The following GRK5 variants were observed in gnomAD, a reference collection of about 807,000 sequenced individuals.
The protein encoded by GRK5 is g protein-coupled receptor kinase GRK5.
In GRK5, 40 loss-of-function variants were observed where a neutral mutation model predicts 78.4. The observed-to-expected ratio is 0.51, with a 90% confidence interval of 0.40 to 0.66. GRK5 has a LOEUF of 0.66. Among genes scored for constraint, GRK5 ranks in the 30% least tolerant of loss-of-function variants. The probability of loss-of-function intolerance (pLI) is 0.00; values close to 1 mark genes in which losing one functional copy is unlikely to be tolerated. For synonymous variants in GRK5, 289 were observed against 296.8 expected, an observed-to-expected ratio of 0.97 and a Z score of 0.27; for missense variants, 598 against 759.9, an observed-to-expected ratio of 0.79 and a Z score of 2.50.
chr10:119,300,719 A>C (rs926108290), intron 1 of GRK5, among the ~76,000 whole-genome samples: 8 of 152,156 alleles, frequency 5.3e-5, no homozygotes, highest in African/African-American at 1.9e-4. Flanking sequence ...CCTTCTATGA[A>C]TATCTTGACC....
chr10:119,354,055 T>C (rs367926991), intron 2 of GRK5, among the ~76,000 whole-genome samples: 55 of 151,744 alleles, frequency 3.6e-4, no homozygotes, highest in African/African-American at 1.3e-3. Flanking sequence ...ATATAGATTA[T>C]ATTTCTAAAA....
At chr10:119,397,209 T>C (rs1852069533) in intron 4 of GRK5, among the ~76,000 whole-genome samples, 1 of 152,162 alleles carries the variant, frequency 6.6e-6, no homozygotes, top group South Asian at 2.1e-4. Flanking sequence ...CATCAAAGAA[T>C]GAAGAGAATT....
intron 2 of GRK5, among the ~76,000 whole-genome samples, chr10:119,348,486 T>C (rs915419605): frequency 1.3e-5 from 2 of 152,216 alleles, no homozygotes; most frequent in African/African-American, 2.4e-5. Flanking sequence ...TTGTTCCTCC[T>C]CTCTGGAGAA....
At chr10:119,392,943 T>C (rs147442750) in intron 3 of GRK5, among the ~76,000 whole-genome samples, 1 of 152,378 alleles carries the variant, frequency 6.6e-6, no homozygotes, top group East Asian at 1.9e-4. Context: ...GTTTGCTGGT[T>C]AAGCTGGTTT....
At position 119,448,165 on chromosome 10, in the gene GRK5, G is replaced by A; in HGVS notation, c.1309G>A (p.Glu437Lys). 1 of 1,570,058 alleles carries A rather than the reference G, an allele frequency of 6.4e-7. No individual in the cohort carries two copies. The highest frequency in any genetic ancestry group is 2.4e-5 in the East Asian group (1 of 41,382). Residue 437 changes from glutamate to lysine, a missense_variant, in exon 13 of 16, where the codon GAG becomes AAG. Transcript: ENST00000392870. ...GAAGCAGAGGCTGGGCTGCCAGGAG[G>A]AGGGGGCTGCAGAGGTCAAGAGACA... ...DAKQRLGCQE[E>K]GAAEVKRHPF... is the part of the protein sequence containing the mutation.
chr10:119,392,094 A>G (rs2133843772), intron 3 of GRK5, among the ~76,000 whole-genome samples: 1 of 152,336 alleles, frequency 6.6e-6, no homozygotes, highest in South Asian at 2.1e-4. Flanking sequence ...TAGCCAGGAC[A>G]TATTTTTCCT....
In GRK5 at chr10:119,378,617, G is replaced by A. The variant is rs909124707; in HGVS notation, c.149-2198G>A. On this transcript the variant is annotated intron_variant, in intron 2 of 15. Coordinates refer to ENST00000392870, the MANE Select transcript of GRK5 (RefSeq NM_005308.3). This position sits in a 1 kb window ranked among gnomAD's most constrained non-coding sequence, Gnocchi z 4.5. ...CCGTGTGGTGAATAAATGCCCGGGA[G>A]GGCGGGCTGCCTTCAGGGCTCCTCT... is the stretch of plus-strand genomic sequence containing the variant. 6.6e-6 allele frequency among the ~76,000 whole-genome samples: 1 copy of A among 152,246 alleles called. No individual in the cohort carries two copies. Among genetic ancestry groups the A allele is most frequent in the African/African-American group, 2.4e-5 (1 of 41,464 alleles).
rs1424338742 is a variant in GRK5, at chr10:119,379,918, G to T, written c.149-897G>T. ...TTGTTGGCTAACACCATGGTCTCTGGGCCTCTTGGTGGGAGTCTTGCAGTA... is the reference window on the plus strand; with the variant it reads ...TTGTTGGCTAACACCATGGTCTCTGTGCCTCTTGGTGGGAGTCTTGCAGTA... On this transcript the variant is annotated intron_variant, in intron 2 of 15. Transcript: ENST00000392870. The surrounding 1 kb of genome is among the most constrained non-coding windows in gnomAD (Gnocchi z 4.1). Among the ~76,000 whole-genome samples the T allele has an allele frequency of 1.3e-5, 2 of 152,064 alleles. No individual in the cohort carries two copies. The highest frequency in any genetic ancestry group is 2.9e-5 in the Non-Finnish European group (2 of 68,014).
intron 1 of GRK5, among the ~76,000 whole-genome samples, chr10:119,245,451 A>C (rs1316900630): frequency 6.6e-6 from 1 of 152,228 alleles, no homozygotes; most frequent in Non-Finnish European, 1.5e-5. Flanking sequence ...AGCCTTATTA[A>C]AAAGGAAATC....
chr10:119,243,752 T>C (rs1323897572), intron 1 of GRK5, among the ~76,000 whole-genome samples: 1 of 151,316 alleles, frequency 6.6e-6, no homozygotes, highest in African/African-American at 2.4e-5. Context: ...ATGGTGGGGG[T>C]CATGTGGAAT....
chr10:119,278,800 G>A (rs1849708579), intron 1 of GRK5, among the ~76,000 whole-genome samples: 1 of 152,180 alleles, frequency 6.6e-6, no homozygotes, highest in South Asian at 2.1e-4. Flanking sequence ...CCTTGGCTAG[G>A]AGATGGCCGC....
At chr10:119,315,847 C>G (rs1850477851) in intron 1 of GRK5, among the ~76,000 whole-genome samples, 1 of 152,202 alleles carries the variant, frequency 6.6e-6, no homozygotes, top group African/African-American at 2.4e-5. Flanking sequence ...GCGTTGAGAG[C>G]AGCTTCTCCG....
chr10:119,296,609 C>T (rs774961558), intron 1 of GRK5, among the ~76,000 whole-genome samples: 2 of 152,186 alleles, frequency 1.3e-5, no homozygotes, highest in Non-Finnish European at 2.9e-5. Flanking sequence ...TGGAGGACGT[C>T]ATGGTGCATC....
At chr10:119,278,419 G>A (rs1056775621) in intron 1 of GRK5, among the ~76,000 whole-genome samples, 1 of 152,086 alleles carries the variant, frequency 6.6e-6, no homozygotes, top group Non-Finnish European at 1.5e-5. Context: ...CAAGCTGTGT[G>A]GCGAGTCCCT....
intron 4 of GRK5, among the ~76,000 whole-genome samples, chr10:119,408,472 G>A (rs1198589310): frequency 6.6e-6 from 1 of 152,094 alleles, no homozygotes; most frequent in Non-Finnish European, 1.5e-5. Flanking sequence ...CGGATGAATG[G>A]ATAAGCAAAA....
In GRK5 at chr10:119,412,615, G is replaced by A. The variant is rs896836480; in HGVS notation, c.340-10551G>A. 3.9e-5 allele frequency among the ~76,000 whole-genome samples: 6 copies of A among 152,202 alleles called. No individual in the cohort carries two copies. The highest frequency in any genetic ancestry group is 1.9e-4 in the East Asian group (1 of 5,190). On this transcript the variant is annotated intron_variant, in intron 4 of 15. Transcript: ENST00000392870. The surrounding 1 kb of genome is among the most constrained non-coding windows in gnomAD (Gnocchi z 4.3). ...GACAGAGAAAGGAACCACTCCAGAC[G>A]GACGTGAGGGTGTGTGGCAGTGGCT...
chr10:119,459,733 C>T lies in GRK5; in HGVS notation c.*4666C>T, dbSNP rs928302872. 1.3e-5 allele frequency: 2 copies of T among 152,212 alleles called. No homozygotes were observed. Among genetic ancestry groups the T allele is most frequent in the African/African-American group, 4.8e-5 (2 of 41,440 alleles). The allele number at this position is 152,212 out of a possible 1,614,324, so 9.4% of individuals were successfully genotyped here. A position where few individuals can be genotyped will look rare whatever the true frequency, so the allele number is the denominator to read the frequency against. On this transcript the variant is annotated 3_prime_UTR_variant, in exon 16 of 16. Transcript: ENST00000392870. ...TTGTTTTTAAAAGAGAAATAAATTC[C>T]TTAATGGAAGTAGCATGGCATCGGC...
chr10:119,258,141 C>T (rs760206147), intron 1 of GRK5, among the ~76,000 whole-genome samples: 6 of 152,162 alleles, frequency 3.9e-5, no homozygotes, highest in Non-Finnish European at 8.8e-5. Flanking sequence ...CTAGCCCCAG[C>T]CCCTGGCAAC....
At chr10:119,356,991 C>G (rs143584087) in intron 2 of GRK5, among the ~76,000 whole-genome samples, 2 of 152,206 alleles carry the variant, frequency 1.3e-5, no homozygotes, top group Non-Finnish European at 2.9e-5. Context: ...CAGGGAATGT[C>G]TTTGCCCACC....
Sources: allele counts gnomAD v4.1 joint callset (sites outside exome capture counted in the v4.1 genomes callset), GRCh38; gene constraint gnomAD v4.1.1; non-coding constraint Gnocchi (gnomAD v3.1); transcripts MANE v1.5; gene names NCBI Gene and HGNC (gene_info 2026-07-23, HGNC 2026-07-21).